Variants in ADAMTSL1 observed in about 807,000 individuals in gnomAD.
ADAMTSL1 encodes ADAMTS like 1.
ADAMTSL1 carries 126 observed loss-of-function variants against 201.8 expected under a neutral mutation model. That is an observed-to-expected ratio of 0.62 (90% CI 0.54 to 0.72). The LOEUF (loss-of-function observed/expected upper bound fraction) is 0.72. Among genes scored for constraint, ADAMTSL1 ranks in the 30% least tolerant of loss-of-function variants. The pLI is 0.00. For synonymous variants in ADAMTSL1, 1,121 were observed against 903.4 expected, an observed-to-expected ratio of 1.24 and a Z score of -4.32; for missense variants, 2,679 against 2,277.8, an observed-to-expected ratio of 1.18 and a Z score of -3.59.
At chr9:18,303,154 CT>C (rs1315159809) in intron 2 of ADAMTSL1, among the ~76,000 whole-genome samples, 1 of 152,166 alleles carries the variant, frequency 6.6e-6, no homozygotes, top group African/African-American at 2.4e-5. Context: ...GAAATAGATG[CT>C]GAATACCAGG....
chr9:18,261,838 A>C (rs1831937330), intron 2 of ADAMTSL1, among the ~76,000 whole-genome samples: 1 of 152,158 alleles, frequency 6.6e-6, no homozygotes, highest in South Asian at 2.1e-4. Context: ...TCAAAAACGG[A>C]ATTCACAGTA....
At chr9:18,232,183 C>T (rs1358817180) in intron 2 of ADAMTSL1, among the ~76,000 whole-genome samples, 1 of 152,172 alleles carries the variant, frequency 6.6e-6, no homozygotes, top group Admixed American at 6.5e-5. Context: ...TCACTCTGCT[C>T]TAGCCAAACT....
chr9:17,961,061 C>T (rs1486954665), intron 1 of ADAMTSL1, among the ~76,000 whole-genome samples: 1 of 152,068 alleles, frequency 6.6e-6, no homozygotes, highest in Non-Finnish European at 1.5e-5. Flanking sequence ...ATTTATCTAC[C>T]TTGGAAATTT....
At chr9:18,000,741 G>A (rs551779890) in intron 1 of ADAMTSL1, among the ~76,000 whole-genome samples, 26 of 152,218 alleles carry the variant, frequency 1.7e-4, no homozygotes, top group African/African-American at 5.3e-4. Flanking sequence ...GGAAGGCTAT[G>A]AGATTATCCA....
intron 1 of ADAMTSL1, among the ~76,000 whole-genome samples, chr9:18,159,443 C>T (rs1296206616): frequency 1.3e-5 from 2 of 152,000 alleles, no homozygotes; most frequent in African/African-American, 4.8e-5. Context: ...AGCTCTTCCT[C>T]CTAGCCTAGA....
chr9:18,299,334 C>G (rs960617), intron 2 of ADAMTSL1, among the ~76,000 whole-genome samples: 57 of 152,190 alleles, frequency 3.7e-4, no homozygotes, highest in African/African-American at 1.3e-3. Context: ...TCTCCATTGG[C>G]AGAGAAAATA....
At chr9:18,264,186 A>G (rs1050172389) in intron 2 of ADAMTSL1, among the ~76,000 whole-genome samples, 1 of 151,966 alleles carries the variant, frequency 6.6e-6, no homozygotes, top group Admixed American at 6.6e-5. Flanking sequence ...CCAGTTATTT[A>G]TTTATTATTA....
chr9:18,563,836 C>G (rs941993626), intron 3 of ADAMTSL1, among the ~76,000 whole-genome samples: 1 of 152,178 alleles, frequency 6.6e-6, no homozygotes, highest in Admixed American at 6.5e-5. Context: ...CTACTCAAGC[C>G]TTGGTAATGG....
At chr9:18,827,764 A>G (rs975424644) in intron 22 of ADAMTSL1, among the ~76,000 whole-genome samples, 24 of 152,150 alleles carry the variant, frequency 1.6e-4, no homozygotes, top group African/African-American at 5.5e-4. Flanking sequence ...ACTGCATTCC[A>G]ACTCTAATAC....
chr9:18,335,687 A>G (rs1835208476), intron 2 of ADAMTSL1, among the ~76,000 whole-genome samples: 1 of 152,150 alleles, frequency 6.6e-6, no homozygotes, highest in African/African-American at 2.4e-5. Flanking sequence ...AATCTTCAAA[A>G]ACAAAAATGT....
rs186613706 is a variant in ADAMTSL1 at position 18,387,298 on chromosome 9, A to G, written c.208-117531A>G. ...TAGTCAACTTGTGTGCCCATTGCCA[A>G]GTTTCACCAGTCTTACAGACATATA... On this transcript the variant is annotated intron_variant, in intron 2 of 29. Transcript: ENST00000680146. Among the ~76,000 whole-genome samples, 53 of 152,164 alleles carry G rather than the reference A, an allele frequency of 3.5e-4. No homozygotes were observed. In the East Asian group the frequency reaches 0.01, roughly 29 times the overall value.
At chr9:18,392,126 G>A (rs1244541614) in intron 2 of ADAMTSL1, among the ~76,000 whole-genome samples, 1 of 151,980 alleles carries the variant, frequency 6.6e-6, no homozygotes, top group Non-Finnish European at 1.5e-5. Flanking sequence ...GACTGGCCCT[G>A]AATCAATTAC....
chr9:18,902,640 A>T (rs1397286400), intron 26 of ADAMTSL1, among the ~76,000 whole-genome samples: 1 of 152,162 alleles, frequency 6.6e-6, no homozygotes, highest in Non-Finnish European at 1.5e-5. Flanking sequence ...GTAAATGCTT[A>T]CATTAAAAAA....
intron 14 of ADAMTSL1, among the ~76,000 whole-genome samples, chr9:18,719,570 G>T (rs979244358): frequency 1.3e-5 from 2 of 152,096 alleles, no homozygotes; most frequent in Non-Finnish European, 2.9e-5. Flanking sequence ...CACCATTTTG[G>T]CCAGGCTGGT....
chr9:18,762,451 C>G (rs906296384), intron 16 of ADAMTSL1, among the ~76,000 whole-genome samples: 6 of 152,098 alleles, frequency 3.9e-5, no homozygotes, highest in African/African-American at 1.4e-4. Context: ...ATAAGTACAT[C>G]TTGAAGAATG....
intron 26 of ADAMTSL1, among the ~76,000 whole-genome samples, chr9:18,901,540 G>C (rs964241221): frequency 6.6e-6 from 1 of 152,108 alleles, no homozygotes; most frequent in African/African-American, 2.4e-5. Flanking sequence ...GTGGGGATGG[G>C]AAACAGAGTG....
At chr9:18,250,865 G>C (rs891930183) in intron 2 of ADAMTSL1, among the ~76,000 whole-genome samples, 3 of 152,144 alleles carry the variant, frequency 2.0e-5, no homozygotes, top group Admixed American at 2.0e-4. Context: ...GTTTGCCACT[G>C]CTAAGGAATC....
intron 5 of ADAMTSL1, among the ~76,000 whole-genome samples, chr9:18,626,825 C>CTTACTTTCTT (rs1337510445): frequency 9.9e-5 from 14 of 141,608 alleles, no homozygotes; most frequent in African/African-American, 1.8e-4. Context: ...TTCTTTCTTT[C>CTTACTTTCTT]TTTCTTACTT....
intron 1 of ADAMTSL1, among the ~76,000 whole-genome samples, chr9:18,053,770 G>A (rs1381747908): frequency 2.6e-5 from 4 of 152,200 alleles, no homozygotes; most frequent in Non-Finnish European, 4.4e-5. Context: ...CACTCTTGAT[G>A]TACCAGGCTC....
Sources: allele counts gnomAD v4.1 joint callset (sites outside exome capture counted in the v4.1 genomes callset), GRCh38; gene constraint gnomAD v4.1.1; transcripts MANE v1.5; gene names NCBI Gene and HGNC (gene_info 2026-07-23, HGNC 2026-07-21).